The following FRMPD1 variants were observed in gnomAD, a reference collection of about 807,000 sequenced individuals.
FRMPD1 encodes FERM and PDZ domain-containing protein 1.
Under a neutral mutation model 117.8 loss-of-function variants are expected in FRMPD1, and 76 were observed. That is an observed-to-expected ratio of 0.65 (90% confidence interval 0.54 to 0.78). The LOEUF (loss-of-function observed/expected upper bound fraction) is 0.78, where lower values mean the gene tolerates loss of function less well. FRMPD1 is among the 30% of genes least tolerant of loss of function. The pLI, the probability that FRMPD1 is intolerant of heterozygous loss-of-function variation, is 0.00. For missense variants in FRMPD1, 1,786 were observed against 1,964.5 expected (o/e 0.91, Z 1.72); for synonymous variants, 783 against 770.4 (o/e 1.02, Z -0.27).
rs1325953876 is a variant in FRMPD1, at chr9:37,701,513, G to A, written c.102-5903G>A. 5.2e-4 allele frequency among the ~76,000 whole-genome samples: 9 copies of A among 17,328 alleles called. No homozygotes were observed. In the South Asian group the frequency reaches 0.022, roughly 43 times the overall value. The allele number at this position is 17,328 out of a possible 152,430, so 11.4% of individuals were successfully genotyped here. On this transcript the variant is annotated intron_variant, in intron 2 of 15. Transcript: ENST00000377765. Reference sequence around the variant, plus strand: ...TGCGCGCGTGTGTGTGCATGTACGTGTGTGTGTGTGTGTGTGTGTGTGTGT... The same window carrying A: ...TGCGCGCGTGTGTGTGCATGTACGTATGTGTGTGTGTGTGTGTGTGTGTGT...
chr9:37,666,696 C>T (rs1392252128), intron 1 of FRMPD1, among the ~76,000 whole-genome samples: 1 of 152,150 alleles, frequency 6.6e-6, no homozygotes, highest in Non-Finnish European at 1.5e-5. Flanking sequence ...CTGCACTGGT[C>T]CTTACTCTTT....
chr9:37,733,646 C>T, intron 11 of FRMPD1, 47 bp downstream of exon 11: 1 of 1,609,930 alleles, frequency 6.2e-7, no homozygotes, highest in South Asian at 1.1e-5. Context: ...GTCTGTGAAA[C>T]CTTAGGAAAA....
At chr9:37,643,208 A>G in the FRMPD1 span, among the ~76,000 whole-genome samples, 1 of 152,196 alleles carries the variant, frequency 6.6e-6, no homozygotes, top group Non-Finnish European at 1.5e-5. Context: ...TGTATAGGTA[A>G]TTCAAGTGCA....
intron 1 of FRMPD1, chr9:37,670,026 A>G (rs1179829670): frequency 1.3e-5 from 2 of 152,136 alleles, no homozygotes; most frequent in Non-Finnish European, 2.9e-5. Context: ...AAAGAAAGTA[A>G]ATAGGGGATT....
upstream of FRMPD1, among the ~76,000 whole-genome samples, chr9:37,650,000 CTCAG>C (rs1311339293): frequency 6.6e-6 from 1 of 152,176 alleles, no homozygotes; most frequent in Non-Finnish European, 1.5e-5. Context: ...GAGGCCTTCA[CTCAG>C]TCAGTGCAGG....
At chr9:37,707,674 C>T (rs914129988) in intron 3 of FRMPD1, 101 bp downstream of exon 3, 8 of 998,890 alleles carry the variant, frequency 8.0e-6, no homozygotes, top group African/African-American at 1.6e-5. Flanking sequence ...TGCAGAAAAT[C>T]CTACCTGGGA....
At chr9:37,649,432 G>T (rs979983270), upstream of FRMPD1, among the ~76,000 whole-genome samples, 2 of 152,192 alleles carry the variant, frequency 1.3e-5, no homozygotes, top group Non-Finnish European at 2.9e-5. Context: ...GGTGAGGAAA[G>T]CAAAAGGCTC....
chr9:37,607,393 C>T, the FRMPD1 span, among the ~76,000 whole-genome samples: 2 of 152,088 alleles, frequency 1.3e-5, no homozygotes, highest in Non-Finnish European at 2.9e-5. Flanking sequence ...GAGCAATGAC[C>T]TCCTCATTAG....
rs994196671 is a variant in FRMPD1, at chr9:37,661,396, A to G, written c.-5+10302A>G. ...ACAGAAAAGAAGATACAGGGAGGAT[A>G]TAATGACCCCTGTTTTCCACCTACA... On this transcript the variant is annotated intron_variant, in intron 1 of 15. Transcript: ENST00000377765. 1.6e-4 allele frequency among the ~76,000 whole-genome samples: 25 copies of G among 152,364 alleles called. No homozygotes were observed. In the South Asian group the frequency reaches 3.3e-3, roughly 20 times the overall value.
chr9:37,693,716 C>A (rs2118041164), intron 2 of FRMPD1, among the ~76,000 whole-genome samples: 1 of 152,326 alleles, frequency 6.6e-6, no homozygotes, highest in African/African-American at 2.4e-5. Context: ...TCTTACTACT[C>A]TGCTTCCTTC....
the FRMPD1 span, among the ~76,000 whole-genome samples, chr9:37,632,551 C>G: frequency 6.6e-6 from 1 of 152,168 alleles, no homozygotes; most frequent in Non-Finnish European, 1.5e-5. Context: ...CAGGCAGGCT[C>G]TCTCTCCACA....
chr9:37,722,983 A>G (rs1823463906), intron 6 of FRMPD1, among the ~76,000 whole-genome samples: 1 of 152,182 alleles, frequency 6.6e-6, no homozygotes, highest in African/African-American at 2.4e-5. Context: ...GGGCCACCCA[A>G]CACAGACCAG....
intron 4 of FRMPD1, 39 bp downstream of exon 4, chr9:37,708,540 A>T: frequency 1.7e-6 from 2 of 1,164,592 alleles, no homozygotes; most frequent in Middle Eastern, 3.9e-4. Flanking sequence ...AATTGCACAG[A>T]TTATCAAAGA....
At chr9:37,705,985 A>AAATAAAT (rs1563940524) in intron 2 of FRMPD1, among the ~76,000 whole-genome samples, 1 of 151,182 alleles carries the variant, frequency 6.6e-6, no homozygotes. Flanking sequence ...ATAAATAAAT[A>AAATAAAT]AATAAATAAA....
the FRMPD1 span, among the ~76,000 whole-genome samples, chr9:37,609,781 C>T: frequency 6.6e-6 from 1 of 152,198 alleles, no homozygotes; most frequent in Admixed American, 6.5e-5. Context: ...CGTGTCTTCT[C>T]TCACTGGCTG....
At position 37,681,674 on chromosome 9, in the gene FRMPD1, T is replaced by G. The variant is rs1454741595; in HGVS notation, c.-4-10964T>G. Among the ~76,000 whole-genome samples the G allele has an allele frequency of 1.3e-5, 2 of 152,234 alleles. 1 individual carries two copies. The highest frequency in any genetic ancestry group is 2.9e-5 in the Non-Finnish European group (2 of 68,030). ...CCTTTGGGCTTAGAAGGTTCCATAG[T>G]TATAGCTGCTTATTGTTCTGGGGTT... On this transcript the variant is annotated intron_variant, in intron 1 of 15. Transcript: ENST00000377765.
the FRMPD1 span, among the ~76,000 whole-genome samples, chr9:37,616,157 C>T: frequency 8.7e-5 from 11 of 127,012 alleles, no homozygotes; most frequent in African/African-American, 1.8e-4. Context: ...CTTACTCTGT[C>T]GCCCAGGCTG....
intron 6 of FRMPD1, among the ~76,000 whole-genome samples, chr9:37,719,956 A>C (rs1823321042): frequency 6.6e-6 from 1 of 152,178 alleles, no homozygotes; most frequent in Non-Finnish European, 1.5e-5. Context: ...TGAATTTCTT[A>C]ATATTAGACT....
chr9:37,721,242 A>C (rs946919051), intron 6 of FRMPD1, among the ~76,000 whole-genome samples: 1 of 152,216 alleles, frequency 6.6e-6, no homozygotes, highest in Non-Finnish European at 1.5e-5. Context: ...CATAAGGCAG[A>C]GATAGCAAAA....
Sources: gnomAD v4.1 joint callset for allele counts (sites outside exome capture counted in the v4.1 genomes callset) on GRCh38, gnomAD v4.1.1 for gene constraint, MANE v1.5 for transcripts, NCBI Gene and HGNC (gene_info 2026-07-23, HGNC 2026-07-21) for gene names.